TBC1D4: variants seen among roughly 807,000 people sequenced by gnomAD.
TBC1D4 encodes the protein TBC1 domain family member 4, also known as TBC (Tre-2, BUB2, CDC16) domain-containing protein.
TBC1D4 carries 121 observed loss-of-function variants against 142.5 expected under a neutral mutation model. The observed-to-expected ratio is 0.85, with a 90% CI of 0.73 to 0.99. The LOEUF (loss-of-function observed/expected upper bound fraction) is 0.99, where lower values mean the gene tolerates loss of function less well. Ranked by LOEUF, TBC1D4 falls within the 50% of genes least tolerant of loss-of-function variation. The pLI is 0.00. For synonymous variants in TBC1D4, 630 were observed against 628.2 expected (o/e 1.00, Z -0.04); for missense variants, 1,475 against 1,606.6 (o/e 0.92, Z 1.40).
At position 75,294,994 on chromosome 13, in the gene TBC1D4, G is replaced by A. The variant is rs1875753879; in HGVS notation, c.3176C>T (p.Ser1059Phe). 2 of 1,613,550 alleles carry A rather than the reference G, an allele frequency of 1.2e-6. No individual in the cohort carries two copies. The highest frequency in any genetic ancestry group is 1.3e-5 in the African/African-American group (1 of 74,852). Residue 1059 changes from serine (S) to phenylalanine (F), a missense_variant, in exon 18 of 21, where the codon TCC becomes TTC. This residue lies in a region of TBC1D4 where 248 missense variants were observed against 338.9 expected (regional missense o/e 0.73). Transcript: ENST00000377636. ...MSLQIQMYQLSRLLHDYHRDL... is the reference protein window; with the variant it reads ...MSLQIQMYQLFRLLHDYHRDL... ...TCTGTGATAGTCATGAAGGAGCCTG[G>A]ACAGCTGGTACATTTGAATCTAAAG...
At chr13:75,444,278 C>T (rs1887178206) in intron 1 of TBC1D4, among the ~76,000 whole-genome samples, 3 of 152,126 alleles carry the variant, frequency 2.0e-5, no homozygotes, top group Non-Finnish European at 2.9e-5. Context: ...CACTCACCAC[C>T]ATTCACCACC....
intron 1 of TBC1D4, among the ~76,000 whole-genome samples, chr13:75,406,760 G>A (rs1183951210): frequency 1.3e-5 from 2 of 152,136 alleles, no homozygotes; most frequent in African/African-American, 4.8e-5. Context: ...AAATTGGAAA[G>A]GTCCTGCATG....
intron 16 of TBC1D4, 29 bp from the exon 17 acceptor site, chr13:75,299,603 T>G: frequency 1.2e-6 from 2 of 1,613,162 alleles, no homozygotes; most frequent in South Asian, 2.2e-5. Flanking sequence ...AAAATATTTT[T>G]TGAAATGTCC....
At chr13:75,367,408 A>G (rs1299662639) in intron 1 of TBC1D4, among the ~76,000 whole-genome samples, 1 of 152,190 alleles carries the variant, frequency 6.6e-6, no homozygotes, top group Non-Finnish European at 1.5e-5. Flanking sequence ...TTCCTAAAAC[A>G]TATTTAAACA....
chr13:75,356,058 A>G (rs748839163), intron 4 of TBC1D4, 89 bp downstream of exon 4: 216 of 941,050 alleles, frequency 2.3e-4, no homozygotes, highest in Non-Finnish European at 3.4e-4. Flanking sequence ...ATAGATAGCC[A>G]TATTGCAAGG....
chr13:75,440,388 G>C (rs573877910), intron 1 of TBC1D4, among the ~76,000 whole-genome samples: 130 of 151,884 alleles, frequency 8.6e-4, no homozygotes, highest in African/African-American at 2.9e-3. Context: ...AACAGAGGAG[G>C]GTTTTAAGCA....
At chr13:75,427,027 C>A (rs112167016) in intron 1 of TBC1D4, among the ~76,000 whole-genome samples, 1 of 151,660 alleles carries the variant, frequency 6.6e-6, no homozygotes, top group Non-Finnish European at 1.5e-5. Flanking sequence ...CCAGCCTGGG[C>A]GACAAGAGAC....
At position 75,293,723 on chromosome 13, in the gene TBC1D4, G is replaced by A. The variant is rs147368369; in HGVS notation, c.3316+1131C>T. Among the ~76,000 whole-genome samples the A allele has an allele frequency of 3.5e-3, 537 of 152,230 alleles. 1 individual carries two copies. Among genetic ancestry groups the A allele is most frequent in the African/African-American group, 0.012 (505 of 41,530 alleles). ...TTTTATAAATTGTAGTAACACTAATGCAGTGTTTAACTTTTAAACCACAGC... is the reference window on the plus strand; with the variant it reads ...TTTTATAAATTGTAGTAACACTAATACAGTGTTTAACTTTTAAACCACAGC... On this transcript the variant is annotated intron_variant, in intron 18 of 20. Transcript: ENST00000377636.
chr13:75,433,059 T>C (rs921012800), intron 1 of TBC1D4, among the ~76,000 whole-genome samples: 2 of 152,076 alleles, frequency 1.3e-5, no homozygotes, highest in African/African-American at 4.8e-5. Flanking sequence ...CAAAAGAGCC[T>C]ACCCTACTTC....
intron 1 of TBC1D4, among the ~76,000 whole-genome samples, chr13:75,454,279 G>A (rs2138253845): frequency 6.6e-6 from 1 of 152,178 alleles, no homozygotes; most frequent in Admixed American, 6.5e-5. Context: ...TATTCCCAAA[G>A]TTCTGGGATT....
chr13:75,349,034 G>T, intron 5 of TBC1D4, 136 bp downstream of exon 5: 1 of 1,318,008 alleles, frequency 7.6e-7, no homozygotes, highest in Non-Finnish European at 1.1e-6. Context: ...ACTCACATTT[G>T]AGTGGACATG....
chr13:75,477,208 A>T (rs1888659714), intron 1 of TBC1D4, among the ~76,000 whole-genome samples: 1 of 152,240 alleles, frequency 6.6e-6, no homozygotes, highest in East Asian at 1.9e-4. Flanking sequence ...TTTCTCTGGT[A>T]TTCTTACTAG....
At chr13:75,390,137 G>A (rs976946764) in intron 1 of TBC1D4, among the ~76,000 whole-genome samples, 4 of 151,848 alleles carry the variant, frequency 2.6e-5, no homozygotes, top group Admixed American at 6.6e-5. Flanking sequence ...AAAATTAGCT[G>A]GGCCTGGCGG....
Position 75,285,309 on chromosome 13 carries a change from C to A in TBC1D4, c.*1483G>T, listed in dbSNP as rs1166796860. The A allele has an allele frequency of 6.6e-6, 1 of 152,174 alleles. No individual in the cohort carries two copies. Among genetic ancestry groups the A allele is most frequent in the Non-Finnish European group, 1.5e-5 (1 of 68,022 alleles). The allele number at this position is 152,174 out of a possible 1,614,324, so 9.4% of individuals were successfully genotyped here. On this transcript the variant is annotated 3_prime_UTR_variant, in exon 21 of 21. Coordinates refer to ENST00000377636, the MANE Select transcript of TBC1D4 (RefSeq NM_014832.5). ...AGCTTTACTATTCTACTCTATAATACATTTTCACTGTGTATAACAAACTCC... is the reference window on the plus strand; with the variant it reads ...AGCTTTACTATTCTACTCTATAATAAATTTTCACTGTGTATAACAAACTCC...
chr13:75,437,892 A>G (rs145828657), intron 1 of TBC1D4, among the ~76,000 whole-genome samples: 40 of 152,322 alleles, frequency 2.6e-4, no homozygotes, highest in Middle Eastern at 6.8e-3. Flanking sequence ...GGTCTGTCAA[A>G]AGAGTACAGA....
intron 7 of TBC1D4, among the ~76,000 whole-genome samples, chr13:75,337,571 A>G (rs975926473): frequency 6.6e-6 from 1 of 152,230 alleles, no homozygotes; most frequent in Non-Finnish European, 1.5e-5. Context: ...TGTGTCCACT[A>G]TATTAGGTTC....
intron 1 of TBC1D4, among the ~76,000 whole-genome samples, chr13:75,472,031 C>A (rs543803894): frequency 6.9e-6 from 1 of 145,504 alleles, no homozygotes; most frequent in Non-Finnish European, 1.5e-5. Flanking sequence ...CACTTGAACC[C>A]AGTAGGTGGA....
intron 1 of TBC1D4, among the ~76,000 whole-genome samples, chr13:75,440,319 T>C (rs1886981367): frequency 6.6e-6 from 1 of 151,984 alleles, no homozygotes; most frequent in Non-Finnish European, 1.5e-5. Flanking sequence ...CCAGATTATA[T>C]CATGAAGTGG....
chr13:75,291,569 C>A (rs1444905979), intron 19 of TBC1D4, among the ~76,000 whole-genome samples: 1 of 152,186 alleles, frequency 6.6e-6, no homozygotes, highest in Non-Finnish European at 1.5e-5. Flanking sequence ...AGTCTCCTCA[C>A]TGAAGCTTCA....
Sources: allele counts gnomAD v4.1 joint callset (sites outside exome capture counted in the v4.1 genomes callset), GRCh38; gene constraint gnomAD v4.1.1; regional missense constraint gnomAD v4.1.1; transcripts MANE v1.5; gene names NCBI Gene and HGNC (gene_info 2026-07-23, HGNC 2026-07-21).